PCDHA8: variants seen among roughly 807,000 people sequenced by gnomAD.
The protein encoded by PCDHA8 is protocadherin alpha-8.
PCDHA8 carries 53 observed loss-of-function variants against 61.8 expected under a neutral mutation model. That is an observed-to-expected ratio of 0.86 (90% CI 0.69 to 1.08). PCDHA8 has a LOEUF of 1.08. Among genes scored for constraint, PCDHA8 ranks in the 50% least tolerant of loss-of-function variants. The probability of loss-of-function intolerance (pLI) is 0.00; values close to 1 mark genes in which losing one functional copy is unlikely to be tolerated. For missense variants in PCDHA8, 1,293 were observed against 1,245.0 expected (o/e 1.04, Z -0.58); for synonymous variants, 618 against 556.6 (o/e 1.11, Z -1.55).
At chr5:140,915,716 C>T (rs2077274657) in intron 1 of PCDHA8, among the ~76,000 whole-genome samples, 1 of 152,024 alleles carries the variant, frequency 6.6e-6, no homozygotes, top group East Asian at 1.9e-4. Context: ...GTGGCCCCCA[C>T]TTTGGATTGT....
intron 1 of PCDHA8, among the ~76,000 whole-genome samples, chr5:140,896,083 T>G (rs1202809868): frequency 6.6e-6 from 1 of 152,184 alleles, no homozygotes; most frequent in African/African-American, 2.4e-5. Context: ...CATGCTGGGA[T>G]TACAGGCGTG....
chr5:140,875,498 C>G lies in PCDHA8; in HGVS notation c.2394+31783C>G. 1.9e-6 allele frequency: 3 copies of G among 1,613,292 alleles called. No homozygotes were observed. Among genetic ancestry groups the G allele is most frequent in the Non-Finnish European group, 1.7e-6 (2 of 1,179,476 alleles). ...ATGGTGATTATCGGACCAAGAGGCCCGGGATCCCAGCGTCTGCTGCTCTCG... is the reference window on the plus strand; with the variant it reads ...ATGGTGATTATCGGACCAAGAGGCCGGGGATCCCAGCGTCTGCTGCTCTCG... On this transcript the variant is annotated intron_variant, in intron 1 of 3. Transcript: ENST00000531613.
In PCDHA8 at chr5:140,841,418, T is replaced by C; in HGVS notation, c.97T>C (p.Tyr33His). ...GAAGGTGGGGAGCGGCCAGCTCCACTACTCCGTCCCCGAGGAGGCCAAACA... is the reference window on the plus strand; with the variant it reads ...GAAGGTGGGGAGCGGCCAGCTCCACCACTCCGTCCCCGAGGAGGCCAAACA... ...AWKVGSGQLH[Y>H]SVPEEAKHGT... The change falls in exon 1 of 4, where the codon TAC becomes CAC. Residue 33 changes from tyrosine to histidine, a missense_variant. Physicochemically the swap from Tyr to His is moderately conservative, Grantham distance 83. Transcript: ENST00000531613. 5.6e-6 allele frequency: 9 copies of C among 1,613,046 alleles called. No homozygotes were observed. Among genetic ancestry groups the C allele is most frequent in the Non-Finnish European group, 7.6e-6 (9 of 1,179,854 alleles).
chr5:140,999,797 T>C (rs2097876830), intron 3 of PCDHA8, among the ~76,000 whole-genome samples: 1 of 152,202 alleles, frequency 6.6e-6, no homozygotes, highest in African/African-American at 2.4e-5. Context: ...CAGAGTTATT[T>C]TGGGCACAAA....
intron 2 of PCDHA8, among the ~76,000 whole-genome samples, chr5:140,980,840 A>G (rs1248070793): frequency 1.3e-5 from 2 of 152,200 alleles, no homozygotes; most frequent in African/African-American, 4.8e-5. Context: ...GAACCTAAAT[A>G]ATACTAATCT....
intron 1 of PCDHA8, chr5:140,877,564 G>A (rs782415331): frequency 1.2e-5 from 20 of 1,613,652 alleles, no homozygotes; most frequent in Middle Eastern, 3.3e-4. Context: ...GGATATTAAC[G>A]TGTACCTCAT....
intron 1 of PCDHA8, among the ~76,000 whole-genome samples, chr5:140,937,911 CAAAA>C (rs200797202): frequency 8.5e-6 from 1 of 117,894 alleles, no homozygotes; most frequent in Non-Finnish European, 1.9e-5. Context: ...GACTCCGTCT[CAAAA>C]AAAAAAAAAA....
chr5:140,912,530 A>C (rs2075961098), intron 1 of PCDHA8, among the ~76,000 whole-genome samples: 2 of 152,178 alleles, frequency 1.3e-5, no homozygotes, highest in East Asian at 1.9e-4. Context: ...TTCAGAGTAC[A>C]TGATCATATT....
intron 1 of PCDHA8, chr5:140,850,343 C>G (rs1554144214): frequency 1.9e-6 from 3 of 1,597,676 alleles, no homozygotes; most frequent in Non-Finnish European, 2.6e-6. Context: ...CAGAAACGGC[C>G]AGCGCGAGCA....
At chr5:140,884,345 C>T (rs782318945) in intron 1 of PCDHA8, 1 of 1,613,798 alleles carries the variant, frequency 6.2e-7, no homozygotes, top group Non-Finnish European at 8.5e-7. Flanking sequence ...AGAAGCGGCG[C>T]TGGTGGATGT....
intron 1 of PCDHA8, chr5:140,858,619 C>T: frequency 8.6e-7 from 1 of 1,161,702 alleles, no homozygotes; most frequent in Non-Finnish European, 1.2e-6. Context: ...TTTATCCTAC[C>T]CAGTGTGTCA....
At chr5:140,966,603 G>A (rs567686852) in intron 1 of PCDHA8, 9 of 656,454 alleles carry the variant, frequency 1.4e-5, no homozygotes, top group African/African-American at 1.3e-4. Flanking sequence ...AGGAGCCCTT[G>A]GGAGGGCCTA....
intron 1 of PCDHA8, among the ~76,000 whole-genome samples, chr5:140,960,124 T>C (rs966679082): frequency 3.3e-5 from 5 of 152,216 alleles, no homozygotes; most frequent in African/African-American, 1.2e-4. Flanking sequence ...GTATTCCTTA[T>C]GAAATACTTA....
At chr5:140,869,631 G>A in intron 1 of PCDHA8, 1 of 1,613,652 alleles carries the variant, frequency 6.2e-7, no homozygotes, top group Non-Finnish European at 8.5e-7. Context: ...GTAAAAATGA[G>A]TATTTTTCTT....
chr5:140,933,900 G>T (rs941556210), intron 1 of PCDHA8, among the ~76,000 whole-genome samples: 1 of 151,518 alleles, frequency 6.6e-6, no homozygotes, highest in South Asian at 2.1e-4. Flanking sequence ...GAATATTTTG[G>T]CATAAAGTTG....
At chr5:140,870,992 T>C (rs782714479) in intron 1 of PCDHA8, 1 of 1,613,478 alleles carries the variant, frequency 6.2e-7, no homozygotes, top group South Asian at 1.1e-5. Context: ...ACGGGCGAGA[T>C]AAGCACAACG....
chr5:140,966,894 A>C, intron 1 of PCDHA8: 1 of 1,596,438 alleles, frequency 6.3e-7, no homozygotes, highest in African/African-American at 1.3e-5. Flanking sequence ...GCGGCCTCCC[A>C]GCTGCGATAC....
chr5:140,850,861 C>T, intron 1 of PCDHA8: 9 of 1,592,808 alleles, frequency 5.7e-6, no homozygotes, highest in Non-Finnish European at 6.9e-6. Flanking sequence ...ACGGGAGAAC[C>T]CTCTGCTTCC....
intron 1 of PCDHA8, chr5:140,883,172 AT>A: frequency 1.2e-6 from 2 of 1,614,038 alleles, no homozygotes; most frequent in Non-Finnish European, 1.7e-6. Flanking sequence ...CAATGGAGAA[AT>A]TAGGACAAAA....
Sources: allele counts gnomAD v4.1 joint callset (sites outside exome capture counted in the v4.1 genomes callset), GRCh38; gene constraint gnomAD v4.1.1; transcripts MANE v1.5; gene names NCBI Gene and HGNC (gene_info 2026-07-23, HGNC 2026-07-21).